SPATA12: variants seen among roughly 807,000 people sequenced by gnomAD.
SPATA12 encodes spermatogenesis-associated protein 12.
For missense variants in SPATA12, 219 were observed against 226.4 expected (o/e 0.97, Z 0.21); for synonymous variants, 85 against 89.2 (o/e 0.95, Z 0.26).
chr3:57,066,270 C>CT (rs796586047), intron 1 of SPATA12, among the ~76,000 whole-genome samples: 473 of 145,124 alleles, frequency 3.3e-3, no homozygotes, highest in African/African-American at 7.3e-3. Flanking sequence ...TCCTTTCTTT[C>CT]TTTTTTTTTT....
intron 1 of SPATA12, among the ~76,000 whole-genome samples, chr3:57,066,283 T>C (rs576120693): frequency 6.6e-5 from 10 of 151,832 alleles, no homozygotes; most frequent in South Asian, 2.1e-4. Context: ...TTTTTTTTTT[T>C]CTGAAACAGA....
In SPATA12 at chr3:57,074,308, TTGTC is replaced by T. The variant is rs1423451349; in HGVS notation, c.*44_*47del. On this transcript the variant is annotated 3_prime_UTR_variant, in exon 2 of 2. Coordinates refer to ENST00000334325, the MANE Select transcript of SPATA12 (RefSeq NM_181727.2). Reference sequence around the variant, plus strand: ...CAACATCTGAGAGTCTGGCAGCTGTTTGTCTGGGCCTTTGCACATGCTATGCCCT... The same window carrying T: ...CAACATCTGAGAGTCTGGCAGCTGTTTGGGCCTTTGCACATGCTATGCCCT... The T allele has an allele frequency of 1.7e-5, 27 of 1,567,322 alleles. No homozygotes were observed. The highest frequency in any genetic ancestry group is 2.4e-5 in the Non-Finnish European group (27 of 1,147,816).
At position 57,074,777 on chromosome 3, in the gene SPATA12, A is replaced by G. The variant is rs1706132591; in HGVS notation, c.*510A>G. On this transcript the variant is annotated 3_prime_UTR_variant, in exon 2 of 2. Coordinates refer to ENST00000334325, the MANE Select transcript of SPATA12 (RefSeq NM_181727.2). ...TAGGTGCAGTGGAGCAAGTCTTACAATGTGCAGGATTATAACTCCAGCAAT... is the reference window on the plus strand; with the variant it reads ...TAGGTGCAGTGGAGCAAGTCTTACAGTGTGCAGGATTATAACTCCAGCAAT... 1 of 176,862 alleles carries G rather than the reference A, an allele frequency of 5.7e-6. No homozygotes were observed. The highest frequency in any genetic ancestry group is 1.7e-4 in the South Asian group (1 of 5,802). 11.0% of individuals were successfully genotyped at this position (176,862 alleles called of 1,614,324 possible). A position where few individuals can be genotyped will look rare whatever the true frequency, so the allele number is the denominator to read the frequency against.
chr3:57,070,918 G>A (rs1705853060), intron 1 of SPATA12, among the ~76,000 whole-genome samples: 1 of 148,312 alleles, frequency 6.7e-6, no homozygotes, highest in South Asian at 2.1e-4. Flanking sequence ...GCTACAGTGA[G>A]CAGTGATCAT....
chr3:57,064,210 A>C (rs562890554), intron 1 of SPATA12, among the ~76,000 whole-genome samples: 1 of 152,312 alleles, frequency 6.6e-6, no homozygotes, highest in African/African-American at 2.4e-5. Flanking sequence ...TAGAGGTTGC[A>C]GTGAGCTGAG....
intron 1 of SPATA12, among the ~76,000 whole-genome samples, chr3:57,069,027 T>C (rs1018629390): frequency 6.6e-6 from 1 of 151,484 alleles, no homozygotes; most frequent in Admixed American, 6.6e-5. Context: ...GTTCAAGCAA[T>C]TCTCTGCCTC....
chr3:57,074,443 A>C lies in SPATA12; in HGVS notation c.*176A>C. ...AGCCTCCCTGTCACACTTCCCCAAT[A>C]TCACAGATGAAGAAATCAAGATTCA... On this transcript the variant is annotated 3_prime_UTR_variant, in exon 2 of 2. Transcript: ENST00000334325. 3 of 612,436 alleles carry C rather than the reference A, an allele frequency of 4.9e-6. No homozygotes were observed. The highest frequency in any genetic ancestry group is 5.6e-5 in the East Asian group (2 of 35,896). 37.9% of individuals were successfully genotyped at this position (612,436 alleles called of 1,614,324 possible). A position where few individuals can be genotyped will look rare whatever the true frequency, so the allele number is the denominator to read the frequency against.
At chr3:57,069,546 C>T (rs1308516440) in intron 1 of SPATA12, among the ~76,000 whole-genome samples, 3 of 152,128 alleles carry the variant, frequency 2.0e-5, no homozygotes, top group African/African-American at 7.2e-5. Flanking sequence ...TATAGGCACT[C>T]CATTTTTTAT....
At chr3:57,066,354 C>T (rs1368060996) in intron 1 of SPATA12, among the ~76,000 whole-genome samples, 2 of 152,048 alleles carry the variant, frequency 1.3e-5, no homozygotes, top group Non-Finnish European at 2.9e-5. Flanking sequence ...CTCCGCCTCC[C>T]AGGTTCAAGC....
chr3:57,073,721 G>C lies in SPATA12; in HGVS notation c.27G>C (p.Gly9=). 6.2e-7 allele frequency: 1 copy of C among 1,614,114 alleles called. No individual in the cohort carries two copies. Among genetic ancestry groups the C allele is most frequent in the Non-Finnish European group, 8.5e-7 (1 of 1,180,002 alleles). The change falls in exon 2 of 2, where the codon GGG becomes GGC. Residue 9 remains glycine (G), a synonymous_variant. Coordinates refer to ENST00000334325, the MANE Select transcript of SPATA12 (RefSeq NM_181727.2). ...TGTCCAGTTCTGCTCTGACTTGTGGGTCCACCTTAGAAAAGTCAGGAGACA... is the reference window on the plus strand; with the variant it reads ...TGTCCAGTTCTGCTCTGACTTGTGGCTCCACCTTAGAAAAGTCAGGAGACA... MSSSALTC[G]STLEKSGDTW...
chr3:57,070,656 T>C (rs1705834265), intron 1 of SPATA12, among the ~76,000 whole-genome samples: 2 of 151,962 alleles, frequency 1.3e-5, no homozygotes, highest in Non-Finnish European at 2.9e-5. Flanking sequence ...ACAGCCAAAA[T>C]AATCTAGAAA....
At chr3:57,062,931 G>A (rs1317221952) in intron 1 of SPATA12, among the ~76,000 whole-genome samples, 5 of 152,138 alleles carry the variant, frequency 3.3e-5, no homozygotes, top group Non-Finnish European at 5.9e-5. Flanking sequence ...CTGCCCTCAT[G>A]GAATTTACAT....
chr3:57,068,984 T>C (rs1456360020), intron 1 of SPATA12, among the ~76,000 whole-genome samples: 1 of 151,612 alleles, frequency 6.6e-6, no homozygotes, highest in Non-Finnish European at 1.5e-5. Flanking sequence ...TGCTATGACG[T>C]GATCTTGGCT....
chr3:57,071,260 T>G (rs1705885072), intron 1 of SPATA12, among the ~76,000 whole-genome samples: 1 of 152,186 alleles, frequency 6.6e-6, no homozygotes, highest in Admixed American at 6.6e-5. Flanking sequence ...GATTTCCATA[T>G]GCAAAAAATG....
Position 57,073,667 on chromosome 3 carries a change from G to A in SPATA12, c.-28G>A, listed in dbSNP as rs202121950. The A allele has an allele frequency of 8.8e-6, 14 of 1,591,772 alleles. No homozygotes were observed. Among genetic ancestry groups the A allele is most frequent in the African/African-American group, 1.3e-5 (1 of 74,106 alleles). ...GCCAAGTGCCCCAGCCTCCTTTTCT[G>A]GAGAATTCTGTTTTTGACTTGGGCC... On this transcript the variant is annotated 5_prime_UTR_variant, in exon 2 of 2. Coordinates refer to ENST00000334325, the MANE Select transcript of SPATA12 (RefSeq NM_181727.2).
At position 57,075,084 on chromosome 3, in the gene SPATA12, G is replaced by T. The variant is rs1264780519; in HGVS notation, c.*817G>T. The stretch of plus-strand genomic sequence containing the variant: ...CCACAACATTGGGCTCCATATGCAT[G>T]GAATGAGGTTGCATGCAATTGTCCA... On this transcript the variant is annotated 3_prime_UTR_variant, in exon 2 of 2. Coordinates refer to ENST00000334325, the MANE Select transcript of SPATA12 (RefSeq NM_181727.2). The T allele has an allele frequency of 6.0e-6, 1 of 167,078 alleles. No homozygotes were observed. Among genetic ancestry groups the T allele is most frequent in the Non-Finnish European group, 1.5e-5 (1 of 68,134 alleles). The allele number at this position is 167,078 out of a possible 1,614,324, so 10.3% of individuals were successfully genotyped here.
chr3:57,072,101 A>C (rs1473716063), intron 1 of SPATA12, among the ~76,000 whole-genome samples: 1 of 151,100 alleles, frequency 6.6e-6, no homozygotes, highest in Admixed American at 6.6e-5. Flanking sequence ...GATGGCAATA[A>C]TCACAAGATG....
rs1706147382 is a variant in SPATA12, at chr3:57,075,071, G to A, written c.*804G>A. On this transcript the variant is annotated 3_prime_UTR_variant, in exon 2 of 2. Coordinates refer to ENST00000334325, the MANE Select transcript of SPATA12 (RefSeq NM_181727.2). ...CTGGGGAGTTTGACCACAACATTGG[G>A]CTCCATATGCATGGAATGAGGTTGC... 6.0e-6 allele frequency: 1 copy of A among 167,214 alleles called. No individual in the cohort carries two copies. The allele number at this position is 167,214 out of a possible 1,614,324, so 10.4% of individuals were successfully genotyped here.
chr3:57,068,958 A>G (rs147868655), intron 1 of SPATA12, among the ~76,000 whole-genome samples: 2 of 145,546 alleles, frequency 1.4e-5, no homozygotes, highest in Non-Finnish European at 3.0e-5. Context: ...GTCTCGCTGT[A>G]TCACCCAAGC....
Sources: gnomAD v4.1 joint callset for allele counts (sites outside exome capture counted in the v4.1 genomes callset) on GRCh38, gnomAD v4.1.1 for gene constraint, MANE v1.5 for transcripts, NCBI Gene and HGNC (gene_info 2026-07-23, HGNC 2026-07-21) for gene names.